Variants in SAE1 observed in about 807,000 individuals in gnomAD.
SAE1 encodes SUMO1 activating enzyme subunit 1.
Under a neutral mutation model 40.6 loss-of-function variants are expected in SAE1, and 11 were observed. The observed-to-expected ratio is 0.27, with a 90% confidence interval of 0.17 to 0.45. SAE1 has a LOEUF of 0.45. SAE1 is among the 20% of genes least tolerant of loss of function. SAE1 has a pLI of 1.00. For synonymous variants in SAE1, 155 were observed against 154.3 expected (o/e 1.00, Z -0.03); for missense variants, 373 against 427.3 (o/e 0.87, Z 1.12).
chr19:47,135,043 G>T (rs1332222459), intron 1 of SAE1, among the ~76,000 whole-genome samples: 1 of 152,004 alleles, frequency 6.6e-6, no homozygotes. Context: ...AAATTTTTTT[G>T]TGTGAGTACA....
chr19:47,176,371 G>A (rs1169361552), intron 6 of SAE1, among the ~76,000 whole-genome samples: 1 of 152,206 alleles, frequency 6.6e-6, no homozygotes, highest in Admixed American at 6.5e-5. Flanking sequence ...GGAATTCCTA[G>A]TGGGGACAAG....
chr19:47,180,121 A>G (rs912802488), intron 6 of SAE1: 2 of 454,626 alleles, frequency 4.4e-6, no homozygotes, highest in Non-Finnish European at 8.8e-6. Flanking sequence ...ATGCATATCC[A>G]CTTTTACACG....
rs1568614163 is a variant in SAE1 at position 47,209,362 on chromosome 19, C to A, written c.*111C>A. On this transcript the variant is annotated 3_prime_UTR_variant, in exon 9 of 9. Transcript: ENST00000270225. ...GGCAAGGAAAACTGAAGTCATTGGC[C>A]CGATACAAAACATTTCCTGCAACGA... is the stretch of plus-strand genomic sequence containing the variant. The A allele has an allele frequency of 1.3e-6, 2 of 1,572,118 alleles. No individual in the cohort carries two copies. The highest frequency in any genetic ancestry group is 2.7e-5 in the African/African-American group (2 of 73,936).
intron 5 of SAE1, among the ~76,000 whole-genome samples, chr19:47,163,189 C>A (rs908867804): frequency 3.3e-5 from 5 of 150,852 alleles, no homozygotes; most frequent in African/African-American, 9.8e-5. Context: ...TATTAATGGG[C>A]TTCACATTCA....
At chr19:47,140,802 A>G (rs1355425533) in intron 1 of SAE1, among the ~76,000 whole-genome samples, 1 of 152,064 alleles carries the variant, frequency 6.6e-6, no homozygotes, top group African/African-American at 2.4e-5. Flanking sequence ...TTTCAATAAA[A>G]CAAAACGTAA....
intron 3 of SAE1, 82 bp from the exon 4 acceptor site, chr19:47,152,816 T>C: frequency 7.4e-7 from 1 of 1,354,164 alleles, no homozygotes; most frequent in Non-Finnish European, 1.0e-6. Flanking sequence ...AGAGAGACTG[T>C]TCATTAAGAT....
intron 6 of SAE1, among the ~76,000 whole-genome samples, chr19:47,180,935 T>C (rs2058501921): frequency 6.6e-6 from 1 of 152,210 alleles, no homozygotes; most frequent in South Asian, 2.1e-4. Context: ...TTAGACCTCA[T>C]GCCTCTTGGA....
chr19:47,132,109 C>G (rs993406556), intron 1 of SAE1, among the ~76,000 whole-genome samples: 1 of 151,804 alleles, frequency 6.6e-6, no homozygotes, highest in African/African-American at 2.4e-5. Flanking sequence ...ATTACAGGCT[C>G]GCGCCACCAT....
rs754278107 is a variant in SAE1, at chr19:47,143,599, C to T, written c.204C>T (p.His68=). Reference sequence around the variant, plus strand: ...TGAAAGGACTGACCATGCTGGATCACGAACAGGTGCGCTGTTGTGAGCTCA... The same window carrying T: ...TGAAAGGACTGACCATGCTGGATCATGAACAGGTGCGCTGTTGTGAGCTCA... The part of the protein sequence containing the change: ...AGVKGLTMLD[H]EQVTPEDPGA... Residue 68 remains histidine, a synonymous_variant, in exon 2 of 9, where the codon CAC becomes CAT. Transcript: ENST00000270225. 1.8e-5 allele frequency: 29 copies of T among 1,610,484 alleles called. No individual in the cohort carries two copies. The highest frequency in any genetic ancestry group is 2.2e-5 in the Non-Finnish European group (26 of 1,176,872).
intron 2 of SAE1, among the ~76,000 whole-genome samples, chr19:47,147,487 T>G (rs992058976): frequency 1.3e-5 from 2 of 151,742 alleles, no homozygotes; most frequent in Non-Finnish European, 2.9e-5. Flanking sequence ...GGAGTCTCAC[T>G]TGTCGCCCAG....
At chr19:47,190,012 A>G (rs117229552) in intron 6 of SAE1, among the ~76,000 whole-genome samples, 388 of 152,288 alleles carry the variant, frequency 2.5e-3, no homozygotes, top group Non-Finnish European at 4.6e-3. Context: ...AGTTTTTTCT[A>G]TAAATAACGT....
Position 47,152,944 on chromosome 19 carries a change from A to T in SAE1, c.431A>T (p.Gln144Leu). 6.2e-7 allele frequency: 1 copy of T among 1,612,454 alleles called. No homozygotes were observed. ...AGGGATGTCATAGTTAAAGTTGACC[A>T]GATCTGTCACAAAAATAGCATCAAG... Reference protein sequence around the residue: ...CSRDVIVKVDQICHKNSIKFF... With the variant: ...CSRDVIVKVDLICHKNSIKFF... Residue 144 changes from glutamine to leucine, a missense_variant, in exon 4 of 9, where the codon CAG becomes CTG. This residue lies in a region of SAE1 where 351 missense variants were observed against 390.6 expected (regional missense o/e 0.90). Coordinates refer to ENST00000270225, the MANE Select transcript of SAE1 (RefSeq NM_005500.3).
chr19:47,182,850 A>G (rs1340380684), intron 6 of SAE1, among the ~76,000 whole-genome samples: 2 of 152,112 alleles, frequency 1.3e-5, no homozygotes, highest in South Asian at 2.1e-4. Context: ...TGGGAGGCCA[A>G]AGTGGGAGGA....
Position 47,210,393 on chromosome 19 carries a change from A to G in SAE1, c.*1142A>G, listed in dbSNP as rs1043631758. 1 of 152,156 alleles carries G rather than the reference A, an allele frequency of 6.6e-6. No individual in the cohort carries two copies. Among genetic ancestry groups the G allele is most frequent in the African/African-American group, 2.4e-5 (1 of 41,430 alleles). The allele number at this position is 152,156 out of a possible 1,614,324, so 9.4% of individuals were successfully genotyped here. A position where few individuals can be genotyped will look rare whatever the true frequency, so the allele number is the denominator to read the frequency against. On this transcript the variant is annotated 3_prime_UTR_variant, in exon 9 of 9. Coordinates refer to ENST00000270225, the MANE Select transcript of SAE1 (RefSeq NM_005500.3). ...TAGAAGCTTCTGGCTCCAGTTGTCT[A>G]ATGGATAATTCAGCTAAATAGTGGC...
rs1219689984 is a variant in SAE1, at chr19:47,137,765, G to A, written c.99-5729G>A. 8.5e-5 allele frequency among the ~76,000 whole-genome samples: 12 copies of A among 141,568 alleles called. No homozygotes were observed. In the East Asian group the frequency reaches 2.1e-3, roughly 25 times the overall value. 92.9% of individuals were successfully genotyped at this position (141,568 alleles called of 152,430 possible). A position where few individuals can be genotyped will look rare whatever the true frequency, so the allele number is the denominator to read the frequency against. On this transcript the variant is annotated intron_variant, in intron 1 of 8. Transcript: ENST00000270225. ...TTTTTTTGTGATGGACTCTCACTCTGTCGCCCAGGCTGGAGTGCAGTGGCA... is the reference window on the plus strand; with the variant it reads ...TTTTTTTGTGATGGACTCTCACTCTATCGCCCAGGCTGGAGTGCAGTGGCA...
chr19:47,179,809 C>T (rs1039535257), intron 6 of SAE1, among the ~76,000 whole-genome samples: 1 of 152,120 alleles, frequency 6.6e-6, no homozygotes, highest in Non-Finnish European at 1.5e-5. Context: ...AAGTGAGCCT[C>T]CTGCCCAAAG....
chr19:47,193,103 G>A (rs1164608282), intron 6 of SAE1, among the ~76,000 whole-genome samples: 1 of 149,606 alleles, frequency 6.7e-6, no homozygotes, highest in African/African-American at 2.5e-5. Flanking sequence ...TGTCGCCCAG[G>A]CTGGAGTGCA....
intron 2 of SAE1, among the ~76,000 whole-genome samples, chr19:47,145,765 A>G (rs1375522860): frequency 1.3e-5 from 2 of 152,090 alleles, no homozygotes; most frequent in Admixed American, 6.6e-5. Flanking sequence ...TTGGAGGCCA[A>G]TCACAGAACA....
intron 6 of SAE1, among the ~76,000 whole-genome samples, chr19:47,191,437 G>A (rs1380772576): frequency 6.6e-6 from 1 of 152,206 alleles, no homozygotes; most frequent in East Asian, 1.9e-4. Context: ...CGCTAGTCCT[G>A]TCAGTCACTC....
Sources: allele counts gnomAD v4.1 joint callset (sites outside exome capture counted in the v4.1 genomes callset), GRCh38; gene constraint gnomAD v4.1.1; regional missense constraint gnomAD v4.1.1; transcripts MANE v1.5; gene names NCBI Gene and HGNC (gene_info 2026-07-23, HGNC 2026-07-21).